The following NAV2 variants were observed in gnomAD, a reference collection of about 807,000 sequenced individuals.
NAV2 encodes the protein helicase, APC down-regulated 1.
In NAV2, 54 loss-of-function variants were observed where a neutral mutation model predicts 223.2. The ratio of observed to expected loss-of-function variants is 0.24; its 90% CI spans 0.19 to 0.30. The LOEUF is 0.30. NAV2 is among the 10% of genes least tolerant of loss of function. The pLI is 1.00. For missense variants in NAV2, 2,806 were observed against 3,147.5 expected (o/e 0.89, Z 2.60); for synonymous variants, 1,279 against 1,239.3 (o/e 1.03, Z -0.67).
intron 1 of NAV2, among the ~76,000 whole-genome samples, chr11:19,430,085 G>C (rs1850986643): frequency 6.6e-6 from 1 of 152,180 alleles, no homozygotes; most frequent in Non-Finnish European, 1.5e-5. Flanking sequence ...TGGGCATGAG[G>C]AGACCCTGGC....
intron 1 of NAV2, among the ~76,000 whole-genome samples, chr11:19,428,788 G>A (rs953699727): frequency 3.9e-5 from 6 of 152,356 alleles, no homozygotes; most frequent in South Asian, 4.1e-4. Flanking sequence ...AGGACTGACT[G>A]TTAACTTGTG....
At chr11:19,683,197 C>T (rs2048925259) in intron 1 of NAV2, among the ~76,000 whole-genome samples, 1 of 152,156 alleles carries the variant, frequency 6.6e-6, no homozygotes, top group South Asian at 2.1e-4. Context: ...TTTGGGAAGT[C>T]ATCAGTGGCC....
At chr11:19,555,702 C>T (rs544426229) in intron 1 of NAV2, among the ~76,000 whole-genome samples, 2 of 152,276 alleles carry the variant, frequency 1.3e-5, no homozygotes, top group South Asian at 4.1e-4. Flanking sequence ...TTCTAGCATT[C>T]TCTGAGGGTG....
At chr11:19,596,590 A>G (rs1487810305) in intron 1 of NAV2, among the ~76,000 whole-genome samples, 3 of 152,132 alleles carry the variant, frequency 2.0e-5, no homozygotes, top group African/African-American at 7.2e-5. Flanking sequence ...CCAGCCTCCC[A>G]CTGCCCCGGA....
At chr11:19,523,353 G>A (rs538336007) in intron 1 of NAV2, among the ~76,000 whole-genome samples, 3 of 149,834 alleles carry the variant, frequency 2.0e-5, no homozygotes, top group Non-Finnish European at 4.4e-5. Flanking sequence ...AGGCTCTGGA[G>A]TCAGGAACAG....
chr11:20,011,884 C>CA, intron 11 of NAV2, among the ~76,000 whole-genome samples: 1 of 152,302 alleles, frequency 6.6e-6, no homozygotes, highest in South Asian at 2.1e-4. Flanking sequence ...TTCTTATAAA[C>CA]AAAAATGCAA....
chr11:19,585,386 T>C (rs2045862091), intron 1 of NAV2, among the ~76,000 whole-genome samples: 1 of 152,080 alleles, frequency 6.6e-6, no homozygotes, highest in South Asian at 2.1e-4. Flanking sequence ...TACATTTAAG[T>C]TAATATTGTT....
At chr11:19,375,696 T>C (rs896684583) in intron 1 of NAV2, among the ~76,000 whole-genome samples, 13 of 152,222 alleles carry the variant, frequency 8.5e-5, no homozygotes, top group African/African-American at 3.1e-4. Context: ...TTTTCACTTG[T>C]GCAGGTGTTC....
rs1018080870 is a variant in NAV2, at chr11:19,984,037, C to A, written c.2646-88C>A. The A allele has an allele frequency of 4.5e-6, 7 of 1,559,398 alleles. No homozygotes were observed. In the African/African-American group the frequency reaches 5.4e-5, roughly 12 times the overall value. On this transcript the variant is annotated intron_variant, in intron 10 of 37. Transcript: ENST00000349880. The stretch of plus-strand genomic sequence containing the variant: ...GTTTCTTCCCCCTTAGAGCACTTGG[C>A]GGCTGTACAGGCTTCTGGATATGAA...
chr11:19,404,430 T>C (rs979890473), intron 1 of NAV2, among the ~76,000 whole-genome samples: 3 of 152,240 alleles, frequency 2.0e-5, no homozygotes, highest in Non-Finnish European at 4.4e-5. Context: ...TCACTGCGAA[T>C]AAGCATCTCC....
chr11:19,969,911 A>C (rs985276450), intron 10 of NAV2, among the ~76,000 whole-genome samples: 1 of 151,744 alleles, frequency 6.6e-6, no homozygotes, highest in Non-Finnish European at 1.5e-5. Flanking sequence ...GCACCACTGC[A>C]CTCCAGCCTT....
intron 1 of NAV2, among the ~76,000 whole-genome samples, chr11:19,694,410 A>T (rs1159013813): frequency 6.6e-6 from 1 of 152,218 alleles, no homozygotes; most frequent in Non-Finnish European, 1.5e-5. Flanking sequence ...GGTGCCGATC[A>T]TTAGAAGCAA....
intron 1 of NAV2, chr11:19,777,543 C>A: frequency 2.2e-6 from 1 of 455,432 alleles, no homozygotes; most frequent in South Asian, 1.6e-5. Context: ...AGACCGCACC[C>A]CCTGGGCGCT....
chr11:19,397,943 G>A (rs1849528970), intron 1 of NAV2, among the ~76,000 whole-genome samples: 1 of 152,290 alleles, frequency 6.6e-6, no homozygotes, highest in African/African-American at 2.4e-5. Flanking sequence ...GATGGGAATA[G>A]GGATAGTAGC....
chr11:19,492,449 T>C (rs2042661833), intron 1 of NAV2, among the ~76,000 whole-genome samples: 2 of 152,034 alleles, frequency 1.3e-5, no homozygotes, highest in African/African-American at 4.8e-5. Context: ...ACTTTCTTCG[T>C]CTCCTCATCC....
chr11:19,745,975 C>A lies in NAV2; in HGVS notation c.267+32013C>A, dbSNP rs187134150. Among the ~76,000 whole-genome samples, 193 of 152,354 alleles carry A rather than the reference C, an allele frequency of 1.3e-3. 1 individual carries two copies. The highest frequency in any genetic ancestry group is 2.1e-3 in the Non-Finnish European group (141 of 68,036). On this transcript the variant is annotated intron_variant, in intron 1 of 37. Transcript: ENST00000349880. ...CAGGGCTGACCGTATTTACTAACAA[C>A]TGCAGAATCCTGCAGTTTCCAAAGC...
intron 11 of NAV2, among the ~76,000 whole-genome samples, chr11:20,000,612 G>A (rs756851395): frequency 2.6e-5 from 4 of 152,114 alleles, no homozygotes; most frequent in Non-Finnish European, 5.9e-5. Flanking sequence ...TGGAATAAAG[G>A]GGTAGTGAGC....
chr11:19,742,018 C>CTT (rs58969525), intron 1 of NAV2, among the ~76,000 whole-genome samples: 3 of 151,844 alleles, frequency 2.0e-5, no homozygotes, highest in Non-Finnish European at 2.9e-5. Flanking sequence ...TATCTTTTGA[C>CTT]TTTTTTTGGA....
chr11:19,386,258 T>A (rs947485537), intron 1 of NAV2, among the ~76,000 whole-genome samples: 3 of 152,208 alleles, frequency 2.0e-5, no homozygotes, highest in African/African-American at 7.2e-5. Context: ...AGTGAAAAAC[T>A]GATATCATTT....
Sources: allele counts gnomAD v4.1 joint callset (sites outside exome capture counted in the v4.1 genomes callset), GRCh38; gene constraint gnomAD v4.1.1; transcripts MANE v1.5; gene names NCBI Gene and HGNC (gene_info 2026-07-23, HGNC 2026-07-21).